Variants in NSDHL observed in about 807,000 individuals in gnomAD.
NSDHL encodes sterol-4-alpha-carboxylate 3-dehydrogenase, decarboxylating.
NSDHL carries 1 observed loss-of-function variant against 23.0 expected under a neutral mutation model. The observed-to-expected ratio is 0.04, with a 90% CI of 0.02 to 0.21. The LOEUF is 0.21. NSDHL is among the 10% of genes least tolerant of loss of function. NSDHL has a pLI of 1.00. For missense variants in NSDHL, 237 were observed against 300.9 expected (o/e 0.79, Z 1.57); for synonymous variants, 128 against 121.1 (o/e 1.06, Z -0.37).
rs782182123 is a variant in NSDHL at position 152,862,315 on chromosome X, G to GA, written c.415-275dup. 2.7e-5 allele frequency among the ~76,000 whole-genome samples: 3 copies of GA among 112,247 alleles called. No individual in the cohort carries two copies. The East Asian group carries it at 8.4e-4, about 31-fold the overall frequency. ...TCTATCTCTCAGGTGTGATGGGATA[G>GA]AAAAAATGTGTTATCCCTTGTTTTG... On this transcript the variant is annotated intron_variant, in intron 4 of 7. Coordinates refer to ENST00000370274, the MANE Select transcript of NSDHL (RefSeq NM_015922.3).
intron 2 of NSDHL, among the ~76,000 whole-genome samples, chrX:152,847,595 C>G (rs1420304094): frequency 3.6e-5 from 4 of 111,989 alleles, no homozygotes; most frequent in African/African-American, 1.3e-4. Context: ...CAGCTAGTTT[C>G]AAATTTTTGT....
In NSDHL at chrX:152,869,110, C is replaced by G. The variant is rs782648215; in HGVS notation, c.1116C>G (p.Val372=). ...TVQSFRHLRR[V]K is the part of the protein sequence containing the mutation. ...AGAGCTTTCGCCACCTGCGGAGGGT[C>G]AAGTGAGGGACACTGGAGGCTGGGC... Residue 372 remains valine (V), a synonymous_variant, in exon 8 of 8, where the codon GTC becomes GTG. Coordinates refer to ENST00000370274, the MANE Select transcript of NSDHL (RefSeq NM_015922.3). 2.5e-6 allele frequency: 3 copies of G among 1,203,203 alleles called. No individual in the cohort carries two copies. Among genetic ancestry groups the G allele is most frequent in the Non-Finnish European group, 3.4e-6 (3 of 888,598 alleles).
intron 5 of NSDHL, among the ~76,000 whole-genome samples, chrX:152,863,111 G>A (rs1556847698): frequency 1.8e-5 from 2 of 110,384 alleles, no homozygotes; most frequent in African/African-American, 3.3e-5. Context: ...GCAGTGAGCC[G>A]AGATTGTGCC....
In NSDHL at chrX:152,865,899, C is replaced by T; in HGVS notation, c.624C>T (p.Asp208=). ...CTCATGGCATTTTCGGCCCAAGGGA[C>T]CCGCAGTTGGTACCCATCCTCATCG... ...IRPHGIFGPR[D]PQLVPILIEA... The change falls in exon 6 of 8, where the codon GAC becomes GAT. Residue 208 remains aspartate, a synonymous_variant. Transcript: ENST00000370274. 2 of 1,212,019 alleles carry T rather than the reference C, an allele frequency of 1.7e-6. No homozygotes were observed. The highest frequency in any genetic ancestry group is 2.2e-6 in the Non-Finnish European group (2 of 895,304).
chrX:152,847,640 G>C (rs1217886786), intron 2 of NSDHL, among the ~76,000 whole-genome samples: 1 of 111,351 alleles, frequency 9.0e-6, no homozygotes, highest in African/African-American at 3.3e-5. Context: ...TCTCATTAGT[G>C]GACTGATTTT....
At position 152,850,319 on chromosome X, in the gene NSDHL, G is replaced by C; in HGVS notation, c.163G>C (p.Glu55Gln). 1 of 1,209,456 alleles carries C rather than the reference G, an allele frequency of 8.3e-7. No homozygotes were observed. Among genetic ancestry groups the C allele is most frequent in the Non-Finnish European group, 1.1e-6 (1 of 893,441 alleles). The change falls in exon 3 of 8, where the codon GAG becomes CAG. Residue 55 changes from glutamate to glutamine, a missense_variant. Glu to Gln is a conservative substitution (Grantham distance 29, BLOSUM62 2). Transcript: ENST00000370274. The stretch of plus-strand genomic sequence containing the variant: ...TGGATTCCTGGGGCAGCACATGGTG[G>C]AGCAGTTGCTGGCAAGAGGATATGC... ...GSGFLGQHMVEQLLARGYAVN... is the reference protein window; with the variant it reads ...GSGFLGQHMVQQLLARGYAVN...
intron 3 of NSDHL, among the ~76,000 whole-genome samples, chrX:152,857,320 C>T (rs1933457753): frequency 8.9e-6 from 1 of 111,854 alleles, no homozygotes; most frequent in Non-Finnish European, 1.9e-5. Flanking sequence ...TTTTGATGGC[C>T]GGAATCTGGC....
intron 1 of NSDHL, among the ~76,000 whole-genome samples, chrX:152,845,015 G>A (rs1933249522): frequency 8.9e-6 from 1 of 112,331 alleles, no homozygotes; most frequent in Admixed American, 9.4e-5. Flanking sequence ...GGCAGGCACA[G>A]AGCTACAGAT....
At chrX:152,836,942 A>T (rs1484679196) in intron 1 of NSDHL, among the ~76,000 whole-genome samples, 1 of 112,147 alleles carries the variant, frequency 8.9e-6, no homozygotes, top group Non-Finnish European at 1.9e-5. Context: ...TGAGCATGGA[A>T]TGTTCTTCCA....
At chrX:152,867,826 G>A (rs1377792582) in intron 7 of NSDHL, among the ~76,000 whole-genome samples, 153 bp downstream of exon 7, 1 of 112,137 alleles carries the variant, frequency 8.9e-6, no homozygotes, top group Non-Finnish European at 1.9e-5. Flanking sequence ...CTCTGATAGA[G>A]CATGTGGTGT....
At chrX:152,838,851 C>A (rs1350325671) in intron 1 of NSDHL, among the ~76,000 whole-genome samples, 3 of 111,487 alleles carry the variant, frequency 2.7e-5, no homozygotes, top group African/African-American at 9.8e-5. Context: ...CCTGGATATC[C>A]TTGTTAACCT....
At chrX:152,864,849 C>G (rs982526022) in intron 5 of NSDHL, among the ~76,000 whole-genome samples, 2 of 111,641 alleles carry the variant, frequency 1.8e-5, no homozygotes, top group Non-Finnish European at 3.8e-5. Context: ...GGCAGCTTTT[C>G]CATTGTTGAG....
chrX:152,852,030 T>G (rs1933366121), intron 3 of NSDHL, among the ~76,000 whole-genome samples: 1 of 110,901 alleles, frequency 9.0e-6, no homozygotes, highest in Admixed American at 9.6e-5. Context: ...GCTGTCCCGA[T>G]TCCTTAACCC....
intron 1 of NSDHL, among the ~76,000 whole-genome samples, chrX:152,841,043 C>G (rs1409639098): frequency 8.9e-6 from 1 of 112,966 alleles, no homozygotes; most frequent in African/African-American, 3.2e-5. Context: ...AGGCTGCAGC[C>G]TCACAGGTGG....
In NSDHL at chrX:152,858,834, G is replaced by A; in HGVS notation, c.332G>A (p.Ser111Asn). The A allele has an allele frequency of 8.3e-7, 1 of 1,202,687 alleles. No individual in the cohort carries two copies. Among genetic ancestry groups the A allele is most frequent in the East Asian group, 3.0e-5 (1 of 33,824 alleles). Residue 111 changes from serine (S) to asparagine (N), a missense_variant, in exon 4 of 8, where the codon AGT becomes AAT. Physicochemically the swap from Ser to Asn is conservative, Grantham distance 46. Coordinates refer to ENST00000370274, the MANE Select transcript of NSDHL (RefSeq NM_015922.3). ...CACTGTGCGTCACCCCCACCATCCA[G>A]TAACAACAAGGAGCTCTTTTATAGA... ...VFHCASPPPS[S>N]NNKELFYRVN...
rs372798809 is a variant in NSDHL at position 152,868,778 on chromosome X, C to G, written c.790-6C>G. The G allele has an allele frequency of 1.7e-6, 2 of 1,205,411 alleles. No homozygotes were observed. Among genetic ancestry groups the G allele is most frequent in the Non-Finnish European group, 2.2e-6 (2 of 891,246 alleles). Reference sequence around the variant, plus strand: ...TTCTAACTTCTTGTTCTTGTTCTCCCGCCAGGCATTTCACATCACCAATGA... The same window carrying G: ...TTCTAACTTCTTGTTCTTGTTCTCCGGCCAGGCATTTCACATCACCAATGA... On this transcript the variant is annotated splice_polypyrimidine_tract_variant and splice_region_variant and intron_variant, in intron 7 of 7. Transcript: ENST00000370274.
At chrX:152,845,973 G>T (rs1401159642) in intron 1 of NSDHL, among the ~76,000 whole-genome samples, 1 of 112,837 alleles carries the variant, frequency 8.9e-6, no homozygotes, top group Non-Finnish European at 1.9e-5. Flanking sequence ...CATGGAAAAA[G>T]CTACAATGCC....
In NSDHL at chrX:152,846,368, G is replaced by C; in HGVS notation, c.44G>C (p.Arg15Pro). Residue 15 changes from arginine to proline, a missense_variant, in exon 2 of 8, where the codon CGG (arginine) becomes CCG (proline). By Grantham distance (103) the Arg-to-Pro change is moderately radical. Around this residue, in one of 3 missense-constraint regions of NSDHL, gnomAD observed 81 missense variants for 103.3 expected, o/e 0.78. Coordinates refer to ENST00000370274, the MANE Select transcript of NSDHL (RefSeq NM_015922.3). ...GAGCCAATGAGAGACCAAGTCGCAC[G>C]GACTCATTTGACAGAGGACACTCCC... ...VSEPMRDQVA[R>P]THLTEDTPKV... 2 of 1,210,883 alleles carry C rather than the reference G, an allele frequency of 1.7e-6. No homozygotes were observed. The highest frequency in any genetic ancestry group is 2.2e-6 in the Non-Finnish European group (2 of 894,539).
intron 3 of NSDHL, among the ~76,000 whole-genome samples, chrX:152,853,805 A>C (rs782169405): frequency 8.9e-6 from 1 of 111,741 alleles, no homozygotes; most frequent in Non-Finnish European, 1.9e-5. Flanking sequence ...GCTTCCTGTA[A>C]ATCTCCAGCC....
Sources: allele counts gnomAD v4.1 joint callset (sites outside exome capture counted in the v4.1 genomes callset), GRCh38; gene constraint gnomAD v4.1.1; regional missense constraint gnomAD v4.1.1; transcripts MANE v1.5; gene names NCBI Gene and HGNC (gene_info 2026-07-23, HGNC 2026-07-21).